MDGA2: variants seen among roughly 807,000 people sequenced by gnomAD.
MDGA2 encodes the protein MAM domain containing glycosylphosphatidylinositol anchor 2.
MDGA2 carries 40 observed loss-of-function variants against 117.8 expected under a neutral mutation model. That is an observed-to-expected ratio of 0.34 (90% CI 0.26 to 0.44). MDGA2 has a LOEUF of 0.44. Ranked by LOEUF, MDGA2 falls within the 20% of genes least tolerant of loss-of-function variation. The pLI is 1.00. For missense variants in MDGA2, 1,123 were observed against 1,250.6 expected (o/e 0.90, Z 1.54); for synonymous variants, 452 against 439.0 (o/e 1.03, Z -0.37).
chr14:47,659,420 A>G (rs1161753257), intron 1 of MDGA2, among the ~76,000 whole-genome samples: 2 of 152,264 alleles, frequency 1.3e-5, no homozygotes, highest in Non-Finnish European at 2.9e-5. Context: ...CGCTAAAAAT[A>G]TTCTTAGAAC....
chr14:47,038,559 C>A (rs1213253395), intron 7 of MDGA2, among the ~76,000 whole-genome samples: 1 of 152,004 alleles, frequency 6.6e-6, no homozygotes, highest in Non-Finnish European at 1.5e-5. Flanking sequence ...CAATTTTAAT[C>A]TCAATAACAT....
At chr14:47,609,175 C>T (rs1340480073) in intron 1 of MDGA2, among the ~76,000 whole-genome samples, 1 of 151,220 alleles carries the variant, frequency 6.6e-6, no homozygotes, top group Admixed American at 6.6e-5. Context: ...GCAGTATACG[C>T]TGCACAGTAT....
At chr14:47,235,159 C>T (rs981545940) in intron 2 of MDGA2, among the ~76,000 whole-genome samples, 1 of 152,118 alleles carries the variant, frequency 6.6e-6, no homozygotes, top group Admixed American at 6.6e-5. Flanking sequence ...ACAGAAGTCA[C>T]GTATCCTACT....
chr14:47,673,571 G>A (rs1898113293), intron 1 of MDGA2, among the ~76,000 whole-genome samples: 1 of 151,396 alleles, frequency 6.6e-6, no homozygotes, highest in Non-Finnish European at 1.5e-5. Flanking sequence ...TATTTTTTGG[G>A]CACCACCTGC....
At chr14:47,242,922 C>T (rs1461734724) in intron 2 of MDGA2, among the ~76,000 whole-genome samples, 3 of 151,780 alleles carry the variant, frequency 2.0e-5, no homozygotes, top group South Asian at 2.1e-4. Context: ...CTGGTGGGGA[C>T]GTGGAGAGTC....
chr14:47,330,240 T>C (rs1451006410), intron 1 of MDGA2, among the ~76,000 whole-genome samples: 1 of 151,972 alleles, frequency 6.6e-6, no homozygotes, highest in Non-Finnish European at 1.5e-5. Context: ...GATTTATTTG[T>C]ATATACCTAG....
chr14:47,292,921 C>T (rs950843990), intron 2 of MDGA2, among the ~76,000 whole-genome samples: 1 of 152,186 alleles, frequency 6.6e-6, no homozygotes, highest in Admixed American at 6.5e-5. Context: ...ATTCTGGTTG[C>T]TATTCTGACC....
At chr14:46,892,173 T>C (rs1444037532) in intron 10 of MDGA2, among the ~76,000 whole-genome samples, 2 of 151,620 alleles carry the variant, frequency 1.3e-5, no homozygotes, top group Admixed American at 6.6e-5. Flanking sequence ...AACAGACATA[T>C]AGACAAATGG....
intron 1 of MDGA2, among the ~76,000 whole-genome samples, chr14:47,488,250 A>T (rs913069205): frequency 1.3e-5 from 2 of 152,164 alleles, no homozygotes; most frequent in African/African-American, 4.8e-5. Flanking sequence ...AGAACTTCAT[A>T]AATATCCAAA....
At chr14:47,654,748 C>G (rs541048613) in intron 1 of MDGA2, among the ~76,000 whole-genome samples, 18 of 152,032 alleles carry the variant, frequency 1.2e-4, no homozygotes, top group African/African-American at 4.3e-4. Context: ...TACAAATTAA[C>G]CCAGCAATGA....
chr14:47,177,489 A>C (rs952990260), intron 3 of MDGA2, among the ~76,000 whole-genome samples: 1 of 152,202 alleles, frequency 6.6e-6, no homozygotes, highest in African/African-American at 2.4e-5. Flanking sequence ...TGATGAGTTC[A>C]TGTCCTTTGT....
intron 2 of MDGA2, among the ~76,000 whole-genome samples, chr14:47,282,308 A>C (rs1206643113): frequency 6.6e-6 from 1 of 152,176 alleles, no homozygotes; most frequent in Non-Finnish European, 1.5e-5. Context: ...GCAACTTTCC[A>C]TGGAATAATA....
intron 6 of MDGA2, among the ~76,000 whole-genome samples, chr14:47,062,081 C>T (rs1282466269): frequency 2.0e-5 from 3 of 151,928 alleles, no homozygotes; most frequent in Non-Finnish European, 2.9e-5. Context: ...AACACTAGTT[C>T]GGTAATATTT....
chr14:47,546,566 G>C (rs1238428900), intron 1 of MDGA2, among the ~76,000 whole-genome samples: 1 of 152,052 alleles, frequency 6.6e-6, no homozygotes, highest in African/African-American at 2.4e-5. Context: ...ACTGTATTTG[G>C]ACCATCAGGA....
chr14:47,107,000 T>A (rs11157543), intron 5 of MDGA2, among the ~76,000 whole-genome samples: 1 of 103,624 alleles, frequency 9.7e-6, no homozygotes, highest in East Asian at 3.7e-4. Flanking sequence ...GGACTACAGC[T>A]ATATCTCATT....
rs1042824160 is a variant in MDGA2 at position 47,567,945 on chromosome 14, G to A, written c.280+106572C>T. Among the ~76,000 whole-genome samples, 9 of 152,068 alleles carry A rather than the reference G, an allele frequency of 5.9e-5. No homozygotes were observed. The East Asian group carries it at 1.2e-3, about 20-fold the overall frequency. On this transcript the variant is annotated intron_variant, in intron 1 of 16. Transcript: ENST00000399232. ...CAAACACCTGGATATGTTTTTGGAC[G>A]TTCTGGGCTACTCCCATGCTAGCTC...
chr14:47,475,075 A>G (rs1479827494), intron 1 of MDGA2, among the ~76,000 whole-genome samples: 1 of 152,216 alleles, frequency 6.6e-6, no homozygotes, highest in African/African-American at 2.4e-5. Context: ...AATTTTTGCA[A>G]TCTATCTATC....
chr14:47,207,864 A>C (rs532093500), intron 3 of MDGA2, among the ~76,000 whole-genome samples: 3 of 152,158 alleles, frequency 2.0e-5, no homozygotes, highest in East Asian at 3.9e-4. Context: ...AAGAGATTGA[A>C]AGTAGGCTGC....
At chr14:47,666,454 G>A (rs1897966061) in intron 1 of MDGA2, among the ~76,000 whole-genome samples, 1 of 152,148 alleles carries the variant, frequency 6.6e-6, no homozygotes. Flanking sequence ...TCAGCACTCT[G>A]TATCTAGCTC....
Sources: allele counts gnomAD v4.1 joint callset (sites outside exome capture counted in the v4.1 genomes callset), GRCh38; gene constraint gnomAD v4.1.1; transcripts MANE v1.5; gene names NCBI Gene and HGNC (gene_info 2026-07-23, HGNC 2026-07-21).